Variants in CELF4 observed in about 807,000 individuals in gnomAD.
The protein encoded by CELF4 is CUG-BP- and ETR-3-like factor 4.
A neutral mutation model predicts 59.9 loss-of-function variants in CELF4; 18 were observed. The observed-to-expected ratio is 0.30, with a 90% CI of 0.21 to 0.45. CELF4 has a LOEUF of 0.45. Among genes scored for constraint, CELF4 ranks in the 20% least tolerant of loss-of-function variants. The pLI is 1.00. For synonymous variants in CELF4, 261 were observed against 267.1 expected (o/e 0.98, Z 0.22); for missense variants, 456 against 689.0 (o/e 0.66, Z 3.79).
In CELF4 at chr18:37,541,377, A is replaced by G. The variant is rs555921290; in HGVS notation, c.286+23979T>C. Among the ~76,000 whole-genome samples the G allele has an allele frequency of 7.9e-5, 12 of 151,626 alleles. No individual in the cohort carries two copies. The East Asian group carries it at 2.4e-3, about 30-fold the overall frequency. Reference sequence around the variant, plus strand: ...TTTCTCCCCACATCACACCCAATCCACCAACAAGTCCTGGGACCCCTATCT... The same window carrying G: ...TTTCTCCCCACATCACACCCAATCCGCCAACAAGTCCTGGGACCCCTATCT... On this transcript the variant is annotated intron_variant, in intron 1 of 12. Transcript: ENST00000420428.
chr18:37,308,246 T>A (rs2096516090), intron 3 of CELF4, among the ~76,000 whole-genome samples: 1 of 152,082 alleles, frequency 6.6e-6, no homozygotes, highest in African/African-American at 2.4e-5. Context: ...AGACTCCCCA[T>A]CATCTTCTGG....
At chr18:37,408,759 C>T (rs1014072297) in intron 2 of CELF4, among the ~76,000 whole-genome samples, 4 of 152,166 alleles carry the variant, frequency 2.6e-5, no homozygotes, top group South Asian at 2.1e-4. Flanking sequence ...CACCCTCCCC[C>T]GAACACGGGC....
Position 37,253,848 on chromosome 18 carries a change from T to G in CELF4, c.1424A>C (p.Gln475Pro). The change falls in exon 12 of 13, where the codon CAG becomes CCG. Residue 475 changes from glutamine to proline, a missense_variant. Gln to Pro is a moderately conservative substitution (Grantham distance 76). This residue lies in a region of CELF4 where 256 missense variants were observed against 340.8 expected (regional missense o/e 0.75). Coordinates refer to ENST00000420428, the MANE Select transcript of CELF4 (RefSeq NM_020180.4). This position sits in a 1 kb window ranked among gnomAD's most constrained non-coding sequence, Gnocchi z 4.5. ...FQIGMKRLKV[Q>P]LKRPKDANRP... ...ATTGGCGTCTTTGGGCCGCTTCAGCTGCACCTTGAGCCTCTTCATGCCGAT... is the reference window on the plus strand; with the variant it reads ...ATTGGCGTCTTTGGGCCGCTTCAGCGGCACCTTGAGCCTCTTCATGCCGAT... The G allele has an allele frequency of 6.2e-7, 1 of 1,608,088 alleles. No individual in the cohort carries two copies.
chr18:37,562,843 C>A (rs1242404360), intron 1 of CELF4, among the ~76,000 whole-genome samples: 1 of 152,082 alleles, frequency 6.6e-6, no homozygotes, highest in African/African-American at 2.4e-5. Flanking sequence ...TGTGGTCCAA[C>A]CTCGATTATA....
chr18:37,323,901 T>C (rs1030444630), intron 2 of CELF4, among the ~76,000 whole-genome samples: 14 of 152,154 alleles, frequency 9.2e-5, no homozygotes, highest in African/African-American at 3.4e-4. Context: ...CCTTTAGCTT[T>C]GTCATATTTT....
chr18:37,524,599 A>G (rs971399507), intron 1 of CELF4, among the ~76,000 whole-genome samples: 2 of 152,216 alleles, frequency 1.3e-5, no homozygotes, highest in African/African-American at 4.8e-5. Context: ...CGGAGCGGGA[A>G]GATCCACACC....
chr18:37,343,889 C>T (rs2098148698), intron 2 of CELF4, among the ~76,000 whole-genome samples: 1 of 152,168 alleles, frequency 6.6e-6, no homozygotes, highest in Non-Finnish European at 1.5e-5. Flanking sequence ...CTCTCTGGTA[C>T]CCCTCACCAC....
chr18:37,465,343 C>T (rs2154602314), intron 2 of CELF4, among the ~76,000 whole-genome samples: 1 of 152,254 alleles, frequency 6.6e-6, no homozygotes, highest in South Asian at 2.1e-4. Context: ...GGCCCTGGCA[C>T]AAACAGAATG....
At chr18:37,542,518 T>A (rs1156710576) in intron 1 of CELF4, among the ~76,000 whole-genome samples, 1 of 152,224 alleles carries the variant, frequency 6.6e-6, no homozygotes, top group East Asian at 1.9e-4. Context: ...ATCTTGGCTG[T>A]GCCACTTACT....
intron 1 of CELF4, among the ~76,000 whole-genome samples, chr18:37,556,439 G>T (rs1455689804): frequency 1.3e-5 from 2 of 152,212 alleles, no homozygotes; most frequent in Non-Finnish European, 2.9e-5. Flanking sequence ...ATGCCAGCAG[G>T]CCTGATTTAT....
intron 1 of CELF4, among the ~76,000 whole-genome samples, chr18:37,554,760 C>A (rs1354422686): frequency 6.6e-6 from 1 of 152,174 alleles, no homozygotes; most frequent in East Asian, 1.9e-4. Flanking sequence ...TTCCCCAGGA[C>A]ATCCTTCCAG....
intron 2 of CELF4, among the ~76,000 whole-genome samples, chr18:37,378,407 TC>T (rs1300503685): frequency 6.6e-6 from 1 of 151,550 alleles, no homozygotes; most frequent in African/African-American, 2.4e-5. Flanking sequence ...AAGGACAAAT[TC>T]CCCCGACTTT....
chr18:37,521,668 G>A (rs534671983), intron 1 of CELF4, among the ~76,000 whole-genome samples: 12 of 152,274 alleles, frequency 7.9e-5, no homozygotes, highest in Admixed American at 6.5e-4. Flanking sequence ...AGATCAGAGC[G>A]TGCCTGTCTC....
Position 37,253,457 on chromosome 18 carries a change from G to C in CELF4, c.*44+310C>G, listed in dbSNP as rs1409402197. 6.6e-6 allele frequency among the ~76,000 whole-genome samples: 1 copy of C among 152,182 alleles called. No individual in the cohort carries two copies. The highest frequency in any genetic ancestry group is 2.4e-5 in the African/African-American group (1 of 41,460). On this transcript the variant is annotated intron_variant, in intron 12 of 12. Coordinates refer to ENST00000420428, the MANE Select transcript of CELF4 (RefSeq NM_020180.4). The surrounding 1 kb of genome is among the most constrained non-coding windows in gnomAD (Gnocchi z 4.5). ...TGAGCTTGCCACCTGTTCACCCCAG[G>C]GTTCTCTGGCCAACAGGACTGCCAA... is the stretch of plus-strand genomic sequence containing the variant.
At chr18:37,314,735 G>A (rs73425297) in intron 3 of CELF4, among the ~76,000 whole-genome samples, 1 of 152,042 alleles carries the variant, frequency 6.6e-6, no homozygotes, top group Non-Finnish European at 1.5e-5. Context: ...CTTGTGGGGG[G>A]AACAACAGGA....
Position 37,511,782 on chromosome 18 carries a change from C to T in CELF4, c.287-26175G>A, listed in dbSNP as rs1050655565. On this transcript the variant is annotated intron_variant, in intron 1 of 12. Transcript: ENST00000420428. ...TCATTCTTTCTTCTTTTTTGTAAAG[C>T]TGGAGGGAATACAACTTCAGCATCT... is the stretch of plus-strand genomic sequence containing the variant. Among the ~76,000 whole-genome samples, 3 of 152,000 alleles carry T rather than the reference C, an allele frequency of 2.0e-5. No individual in the cohort carries two copies. The East Asian group carries it at 5.8e-4, about 29-fold the overall frequency.
intron 1 of CELF4, among the ~76,000 whole-genome samples, chr18:37,498,358 C>CCCTTT (rs947239131): frequency 2.3e-4 from 31 of 137,126 alleles, no homozygotes; most frequent in Non-Finnish European, 4.7e-4. Context: ...TCCCTCCCCT[C>CCCTTT]CCTTTCCTTT....
chr18:37,352,265 G>T (rs192262142), intron 2 of CELF4, among the ~76,000 whole-genome samples: 1 of 152,326 alleles, frequency 6.6e-6, no homozygotes, highest in Non-Finnish European at 1.5e-5. Flanking sequence ...GGACTATGAT[G>T]GCTGTCAGTT....
At chr18:37,559,099 C>A (rs901452301) in intron 1 of CELF4, among the ~76,000 whole-genome samples, 4 of 152,036 alleles carry the variant, frequency 2.6e-5, no homozygotes, top group African/African-American at 9.7e-5. Flanking sequence ...CACCTTCACA[C>A]CAGGACTTGG....
Sources: allele counts gnomAD v4.1 joint callset (sites outside exome capture counted in the v4.1 genomes callset), GRCh38; gene constraint gnomAD v4.1.1; regional missense constraint gnomAD v4.1.1; non-coding constraint Gnocchi (gnomAD v3.1); transcripts MANE v1.5; gene names NCBI Gene and HGNC (gene_info 2026-07-23, HGNC 2026-07-21).